Variants in FBRSL1 observed in about 807,000 individuals in gnomAD.
FBRSL1 encodes the protein fibrosin like 1, also known as fibrosin-1-like protein.
A neutral mutation model predicts 89.6 loss-of-function variants in FBRSL1; 51 were observed. The observed-to-expected ratio is 0.57, with a 90% CI of 0.45 to 0.72. FBRSL1 has a LOEUF of 0.72. FBRSL1 is among the 30% of genes least tolerant of loss of function. FBRSL1 has a pLI of 0.00. For missense variants in FBRSL1, 1,618 were observed against 1,451.8 expected, an observed-to-expected ratio of 1.11 and a Z score of -1.86; for synonymous variants, 779 against 681.1, an observed-to-expected ratio of 1.14 and a Z score of -2.24.
At position 132,490,828 on chromosome 12, in the gene FBRSL1, C is replaced by T. The variant is rs1237388058; in HGVS notation, c.258C>T (p.Ala86=). ...AGGAGGAGGTCATCGACGGCTTCGCCATCGCCAGCTTCAGCACCCTGGAGG... is the reference window on the plus strand; with the variant it reads ...AGGAGGAGGTCATCGACGGCTTCGCTATCGCCAGCTTCAGCACCCTGGAGG... ...SQEEEVIDGF[A]IASFSTLEAL... is the part of the protein sequence containing the mutation. Residue 86 remains alanine, a synonymous_variant, in exon 1 of 19, where the codon GCC becomes GCT. Transcript: ENST00000680143. The T allele has an allele frequency of 2.8e-6, 4 of 1,414,754 alleles. No individual in the cohort carries two copies. The highest frequency in any genetic ancestry group is 1.4e-5 in the South Asian group (1 of 69,670). 87.6% of individuals were successfully genotyped at this position (1,414,754 alleles called of 1,614,324 possible).
At chr12:132,547,925 G>T in intron 4 of FBRSL1, 78 bp from the exon 5 acceptor site, 1 of 1,506,752 alleles carries the variant, frequency 6.6e-7, no homozygotes. Context: ...TGCCCCTGCA[G>T]CCTGGCTGCT....
intron 5 of FBRSL1, chr12:132,554,351 T>G (rs1182061347): frequency 6.6e-6 from 1 of 152,034 alleles, no homozygotes; most frequent in Non-Finnish European, 1.5e-5. Flanking sequence ...GCTGGGGGCG[T>G]CACTGCAGGG....
intron 1 of FBRSL1, among the ~76,000 whole-genome samples, chr12:132,501,175 G>A (rs2032903505): frequency 6.6e-6 from 1 of 152,164 alleles, no homozygotes; most frequent in African/African-American, 2.4e-5. Context: ...GGTCAGAAGT[G>A]GGTCGGCCTC....
At chr12:132,582,033 A>C in intron 17 of FBRSL1, 29 bp from the exon 18 acceptor site, 1 of 1,519,904 alleles carries the variant, frequency 6.6e-7, no homozygotes, top group Non-Finnish European at 8.9e-7. Flanking sequence ...GACAGACCCA[A>C]CCTCATGCTC....
intron 1 of FBRSL1, among the ~76,000 whole-genome samples, chr12:132,500,774 C>T (rs533991570): frequency 3.0e-4 from 46 of 152,298 alleles, no homozygotes; most frequent in South Asian, 1.4e-3. Flanking sequence ...CTGCAGACTC[C>T]GTCCAGCCTG....
intron 1 of FBRSL1, 101 bp downstream of exon 1, chr12:132,490,962 G>T: frequency 4.2e-5 from 40 of 947,530 alleles, no homozygotes; most frequent in Non-Finnish European, 5.2e-5. Flanking sequence ...GACCGCCCGC[G>T]CCGTGGGCAG....
intron 5 of FBRSL1, among the ~76,000 whole-genome samples, chr12:132,563,427 A>G (rs73477798): frequency 0.66 from 79,458 of 120,748 alleles, 24,620 homozygotes; most frequent in East Asian, 0.87. Context: ...TGCACCCCAC[A>G]CCTGGCCCCC....
chr12:132,576,731 A>C, intron 14 of FBRSL1, 68 bp from the exon 15 acceptor site: 1 of 1,495,756 alleles, frequency 6.7e-7, no homozygotes, highest in Non-Finnish European at 9.0e-7. Context: ...GTGGCCCCTC[A>C]GGCCTGGGCT....
At position 132,572,739 on chromosome 12, in the gene FBRSL1, C is replaced by T. The variant is rs187771932; in HGVS notation, c.1530+117C>T. 1.2e-3 allele frequency: 890 copies of T among 756,390 alleles called. 3 individuals are homozygous for T. The African/African-American group carries it at 0.012, about 10-fold the overall frequency. 46.9% of individuals were successfully genotyped at this position (756,390 alleles called of 1,614,324 possible). ...ACCACCCCCCTTTCCCTCCCTTGTACCTGTCGTCATCTGGGTGCTGGCGTG... is the reference window on the plus strand; with the variant it reads ...ACCACCCCCCTTTCCCTCCCTTGTATCTGTCGTCATCTGGGTGCTGGCGTG... On this transcript the variant is annotated intron_variant, in intron 11 of 18. Coordinates refer to ENST00000680143, the MANE Select transcript of FBRSL1 (RefSeq NM_001367871.1).
chr12:132,562,141 G>A (rs372002057), intron 5 of FBRSL1, among the ~76,000 whole-genome samples: 3 of 152,202 alleles, frequency 2.0e-5, no homozygotes, highest in African/African-American at 4.8e-5. Context: ...CTGGGTCACC[G>A]GCAGTGGCTG....
intron 4 of FBRSL1, among the ~76,000 whole-genome samples, chr12:132,544,109 C>G (rs1176925563): frequency 6.6e-6 from 1 of 152,182 alleles, no homozygotes; most frequent in Admixed American, 6.5e-5. Flanking sequence ...ACCGGAATCA[C>G]CCGGCTGCTA....
At chr12:132,525,667 C>A in intron 2 of FBRSL1, 67 bp from the exon 3 acceptor site, 1 of 1,363,364 alleles carries the variant, frequency 7.3e-7, no homozygotes, top group Non-Finnish European at 1.0e-6. Flanking sequence ...TAGCCCTAGC[C>A]AGGGGGCCCC....
At chr12:132,581,566 C>T in intron 16 of FBRSL1, 50 bp downstream of exon 16, 1 of 1,542,342 alleles carries the variant, frequency 6.5e-7, no homozygotes, top group Non-Finnish European at 8.8e-7. Flanking sequence ...TCCTCAGCAG[C>T]CTTGTGGCGG....
Position 132,574,569 on chromosome 12 carries a change from G to C in FBRSL1, c.1701+5G>C. 6.5e-7 allele frequency: 1 copy of C among 1,549,002 alleles called. No homozygotes were observed. The highest frequency in any genetic ancestry group is 8.7e-7 in the Non-Finnish European group (1 of 1,146,582). ...CGTCACCAGCAGAAGATAAAGGTGA[G>C]ACCACCTGGGCTGGGGCAGGGCGCT... On this transcript the variant is annotated splice_donor_5th_base_variant and intron_variant, in intron 14 of 18. Transcript: ENST00000680143.
In FBRSL1 at chr12:132,581,776, GGCAGCCTGA is replaced by G; in HGVS notation, c.1955_1963del (p.Leu652_Ser654del). On this transcript the variant is annotated inframe_deletion, in exon 17 of 19. Transcript: ENST00000680143. ...CAGACCGAGCACCTTTGGGGGCCTG[GGCAGCCTGA>G]GCAGCCACGCCTTTGGGGGCCTGGG... The G allele has an allele frequency of 6.5e-7, 1 of 1,549,536 alleles. No homozygotes were observed.
At chr12:132,508,407 A>C in intron 2 of FBRSL1, 57 bp downstream of exon 2, 1 of 1,376,042 alleles carries the variant, frequency 7.3e-7, no homozygotes, top group Middle Eastern at 2.6e-4. Context: ...TCACCGCCCC[A>C]GGGCCATGCC....
chr12:132,551,367 C>G (rs2038141942), intron 5 of FBRSL1: 1 of 452,614 alleles, frequency 2.2e-6, no homozygotes, highest in African/African-American at 2.0e-5. Flanking sequence ...AAGCCACAGA[C>G]AGCGTCCTGC....
In FBRSL1 at chr12:132,580,999, C is replaced by T. The variant is rs577899572; in HGVS notation, c.1835-440C>T. 23 of 985,480 alleles carry T rather than the reference C, an allele frequency of 2.3e-5. No individual in the cohort carries two copies. In the South Asian group the frequency reaches 8.9e-4, roughly 38 times the overall value. The allele number at this position is 985,480 out of a possible 1,614,324, so 61.0% of individuals were successfully genotyped here. On this transcript the variant is annotated intron_variant, in intron 15 of 18. Coordinates refer to ENST00000680143, the MANE Select transcript of FBRSL1 (RefSeq NM_001367871.1). ...ACAAGGGGCTGCCATGTGCAGCCTC[C>T]AAGACAGAACCGTGTCCATCCAGGC... is the stretch of plus-strand genomic sequence containing the variant.
Position 132,583,236 on chromosome 12 carries a change from G to A in FBRSL1, c.2467G>A (p.Ala823Thr), listed in dbSNP as rs1260086925. 2 of 1,371,948 alleles carry A rather than the reference G, an allele frequency of 1.5e-6. No individual in the cohort carries two copies. The highest frequency in any genetic ancestry group is 9.4e-7 in the Non-Finnish European group (1 of 1,062,162). 85.0% of individuals were successfully genotyped at this position (1,371,948 alleles called of 1,614,324 possible). A position where few individuals can be genotyped will look rare whatever the true frequency, so the allele number is the denominator to read the frequency against. ...KVKEERGEDE[A>T]SEPPAGGLHP... ...CAAGGAGGAGCGCGGGGAGGACGAG[G>A]CCTCCGAGCCCCCGGCGGGCGGCCT... is the stretch of plus-strand genomic sequence containing the variant. Residue 823 changes from alanine to threonine, a missense_variant, in exon 19 of 19, where the codon GCC becomes ACC. Transcript: ENST00000680143.
Sources: gnomAD v4.1 joint callset for allele counts (sites outside exome capture counted in the v4.1 genomes callset) on GRCh38, gnomAD v4.1.1 for gene constraint, MANE v1.5 for transcripts, NCBI Gene and HGNC (gene_info 2026-07-23, HGNC 2026-07-21) for gene names.